The following AGL variants were observed in gnomAD, a reference collection of about 807,000 sequenced individuals.
AGL encodes the protein glycogen debranching enzyme.
In AGL, 128 loss-of-function variants were observed where a neutral mutation model predicts 199.3. The ratio of observed to expected loss-of-function variants is 0.64; its 90% confidence interval spans 0.56 to 0.74. AGL has a LOEUF of 0.74. Among genes scored for constraint, AGL ranks in the 30% least tolerant of loss-of-function variants. AGL has a pLI of 0.00. For missense variants in AGL, 1,809 were observed against 1,820.8 expected, an observed-to-expected ratio of 0.99 and a Z score of 0.12; for synonymous variants, 584 against 594.7, an observed-to-expected ratio of 0.98 and a Z score of 0.26.
chr1:99,855,946 G>A (rs1017654530), intron 2 of AGL, among the ~76,000 whole-genome samples: 3 of 152,110 alleles, frequency 2.0e-5, no homozygotes, highest in Non-Finnish European at 4.4e-5. Context: ...AGAAGACTGA[G>A]TTTCTATAAA....
Position 99,891,637 on chromosome 1 carries a change from A to G in AGL, c.2981A>G (p.Tyr994Cys), listed in dbSNP as rs1652908148. The G allele has an allele frequency of 1.2e-6, 2 of 1,613,650 alleles. No individual in the cohort carries two copies. Among genetic ancestry groups the G allele is most frequent in the Non-Finnish European group, 1.7e-6 (2 of 1,179,682 alleles). Residue 994 changes from tyrosine to cysteine, a missense_variant, in exon 23 of 34, where the codon TAC becomes TGC. Coordinates refer to ENST00000361915, the MANE Select transcript of AGL (RefSeq NM_000642.3). ...VGKWLQAMFFYLKQIPRYLIP... is the reference protein window; with the variant it reads ...VGKWLQAMFFCLKQIPRYLIP... ...AAATGGTTGCAGGCTATGTTCTTCT[A>G]CCTGAAGCAGATCCCACGTTACCTT... is the stretch of plus-strand genomic sequence containing the variant.
At chr1:99,863,095 A>G (rs1297278237) in intron 4 of AGL, among the ~76,000 whole-genome samples, 2 of 151,724 alleles carry the variant, frequency 1.3e-5, no homozygotes, top group Admixed American at 6.6e-5. Flanking sequence ...ACCTGCCACC[A>G]TGCCTCACTA....
At position 99,880,709 on chromosome 1, in the gene AGL, G is replaced by A; in HGVS notation, c.1813G>A (p.Val605Ile). The A allele has an allele frequency of 6.2e-7, 1 of 1,614,046 alleles. No homozygotes were observed. The highest frequency in any genetic ancestry group is 8.5e-7 in the Non-Finnish European group (1 of 1,179,938). Residue 605 changes from valine (V) to isoleucine (I), a missense_variant, in exon 14 of 34, where the codon GTT becomes ATT. Transcript: ENST00000361915. ...TGGAGGAGAACCTGTTGGATCCTTT[G>A]TTCAGCCCTGTTTGAGGCCTTTAAT... is the stretch of plus-strand genomic sequence containing the variant. The part of the protein sequence containing the change: ...RYGGEPVGSF[V>I]QPCLRPLMPA...
At chr1:99,913,797 C>T (rs1430908187) in intron 30 of AGL, 59 bp downstream of exon 30, 37 of 1,498,706 alleles carry the variant, frequency 2.5e-5, no homozygotes, top group Middle Eastern at 3.4e-4. Context: ...TTGCTTAGTT[C>T]CTTATTCCCA....
Position 99,861,511 on chromosome 1 carries a change from C to T in AGL, c.91C>T (p.Leu31=), listed in dbSNP as rs747615978. ...TLFRLEQGYE[L]QFRLGPTLQG... is the part of the protein sequence containing the mutation. ...ATGTGCTTTTTATTTAGGGTATGAGCTACAGTTCCGATTAGGCCCAACTTT... is the reference window on the plus strand; with the variant it reads ...ATGTGCTTTTTATTTAGGGTATGAGTTACAGTTCCGATTAGGCCCAACTTT... Residue 31 remains leucine (L), a synonymous_variant, in exon 3 of 34, where the codon CTA becomes TTA. Coordinates refer to ENST00000361915, the MANE Select transcript of AGL (RefSeq NM_000642.3). 6.2e-7 allele frequency: 1 copy of T among 1,613,784 alleles called. No homozygotes were observed. The highest frequency in any genetic ancestry group is 1.1e-5 in the South Asian group (1 of 91,074).
intron 27 of AGL, among the ~76,000 whole-genome samples, chr1:99,904,035 A>G (rs994669392): frequency 3.7e-4 from 56 of 152,306 alleles, no homozygotes; most frequent in African/African-American, 1.3e-3. Context: ...CCAGAGTCAC[A>G]TAGCTACTAA....
At position 99,908,030 on chromosome 1, in the gene AGL, A is replaced by G. The variant is rs1443390951; in HGVS notation, c.3701-2682A>G. Among the ~76,000 whole-genome samples the G allele has an allele frequency of 3.9e-5, 6 of 152,228 alleles. No individual in the cohort carries two copies. In the East Asian group the frequency reaches 9.6e-4, roughly 24 times the overall value. On this transcript the variant is annotated intron_variant, in intron 27 of 33. Transcript: ENST00000361915. ...AAAGTTTCTGATTTTGATTAAGTCC[A>G]ATTTATCTACTTTTGTTACCTGTGC...
At chr1:99,855,272 A>G (rs1649328103) in intron 2 of AGL, among the ~76,000 whole-genome samples, 2 of 152,184 alleles carry the variant, frequency 1.3e-5, no homozygotes, top group Admixed American at 1.3e-4. Context: ...TTGGTAACCA[A>G]TCAAATGTGA....
rs900858023 is a variant in AGL at position 99,923,733 on chromosome 1, A to T, written c.*2082A>T. 6.6e-6 allele frequency: 1 copy of T among 152,172 alleles called. No homozygotes were observed. Among genetic ancestry groups the T allele is most frequent in the African/African-American group, 2.4e-5 (1 of 41,442 alleles). The allele number at this position is 152,172 out of a possible 1,614,324, so 9.4% of individuals were successfully genotyped here. ...CGGTAGAATGCTTCATACTTGAGTG[A>T]TGCTGGATAAGGTATTGTATTTCAA... On this transcript the variant is annotated 3_prime_UTR_variant, in exon 34 of 34. Coordinates refer to ENST00000361915, the MANE Select transcript of AGL (RefSeq NM_000642.3).
chr1:99,873,657 C>T (rs1267384070), intron 7 of AGL, among the ~76,000 whole-genome samples: 2 of 152,154 alleles, frequency 1.3e-5, no homozygotes, highest in East Asian at 3.8e-4. Flanking sequence ...TGGTCTCGAT[C>T]TCTTGACCTC....
At position 99,862,321 on chromosome 1, in the gene AGL, C is replaced by T. The variant is rs1330553975; in HGVS notation, c.358C>T (p.His120Tyr). The change falls in exon 4 of 34, where the codon CAT becomes TAT. Residue 120 changes from histidine (H) to tyrosine (Y), a missense_variant. Coordinates refer to ENST00000361915, the MANE Select transcript of AGL (RefSeq NM_000642.3). ...CATTTTACGTGTTGGTGCTGATAAT[C>T]ATGTGCTACCCTTGGACTGTGTTAC... is the stretch of plus-strand genomic sequence containing the variant. ...DPILRVGADNHVLPLDCVTLQ... is the reference protein window; with the variant it reads ...DPILRVGADNYVLPLDCVTLQ... 1 of 1,613,992 alleles carries T rather than the reference C, an allele frequency of 6.2e-7. No homozygotes were observed. The highest frequency in any genetic ancestry group is 1.7e-5 in the Admixed American group (1 of 60,010).
intron 25 of AGL, 78 bp downstream of exon 25, chr1:99,896,466 G>C (rs1419987653): frequency 2.7e-6 from 3 of 1,114,124 alleles, no homozygotes; most frequent in Non-Finnish European, 4.1e-6. Context: ...TTTCCTTCTT[G>C]TCCATCTTTT....
chr1:99,889,635 A>G (rs1364935335), intron 21 of AGL, among the ~76,000 whole-genome samples: 1 of 152,174 alleles, frequency 6.6e-6, no homozygotes, highest in Admixed American at 6.5e-5. Context: ...GTATGTTATC[A>G]GATTTGAGTA....
intron 17 of AGL, among the ~76,000 whole-genome samples, chr1:99,882,357 A>T (rs1652111369): frequency 6.6e-6 from 1 of 152,194 alleles, no homozygotes; most frequent in Non-Finnish European, 1.5e-5. Context: ...ATGTGTATAA[A>T]TGTCTTTGTG....
At chr1:99,861,337 G>A (rs767850524) in intron 2 of AGL, 166 bp from the exon 3 acceptor site, 1 of 1,492,214 alleles carries the variant, frequency 6.7e-7, no homozygotes, top group Non-Finnish European at 8.9e-7. Flanking sequence ...GTGAAATTCA[G>A]CTAAATTGGA....
At chr1:99,913,961 G>C (rs1262655044) in intron 30 of AGL, among the ~76,000 whole-genome samples, 1 of 152,108 alleles carries the variant, frequency 6.6e-6, no homozygotes, top group Non-Finnish European at 1.5e-5. Context: ...GATGACTAAT[G>C]AAGTGCTTCC....
intron 27 of AGL, among the ~76,000 whole-genome samples, chr1:99,908,001 A>G (rs1654450938): frequency 6.6e-6 from 1 of 152,046 alleles, no homozygotes; most frequent in Admixed American, 6.6e-5. Flanking sequence ...TCCTTTGATA[A>G]ACAAAAGTTT....
intron 13 of AGL, 125 bp downstream of exon 13, chr1:99,880,171 T>G: frequency 7.2e-7 from 1 of 1,392,976 alleles, no homozygotes; most frequent in South Asian, 1.2e-5. Flanking sequence ...TTCTAAATAC[T>G]TTGTATGACA....
Position 99,877,570 on chromosome 1 carries a change from C to T in AGL, c.1424-71C>T. 8.6e-6 allele frequency: 12 copies of T among 1,397,830 alleles called. No homozygotes were observed. In the South Asian group the frequency reaches 9.4e-5, roughly 11 times the overall value. The allele number at this position is 1,397,830 out of a possible 1,614,324, so 86.6% of individuals were successfully genotyped here. On this transcript the variant is annotated intron_variant, in intron 11 of 33. Transcript: ENST00000361915. ...GAAATGATCAAAGCAATTTAAAAACCAGTGTTTCCTTGAAGTAATTGTTTT... is the reference window on the plus strand; with the variant it reads ...GAAATGATCAAAGCAATTTAAAAACTAGTGTTTCCTTGAAGTAATTGTTTT...
Sources: gnomAD v4.1 joint callset for allele counts (sites outside exome capture counted in the v4.1 genomes callset) on GRCh38, gnomAD v4.1.1 for gene constraint, MANE v1.5 for transcripts, NCBI Gene and HGNC (gene_info 2026-07-23, HGNC 2026-07-21) for gene names.